The following GPC6 variants were observed in gnomAD, a reference collection of about 807,000 sequenced individuals.
GPC6 encodes the protein glypican-6.
GPC6 carries 14 observed loss-of-function variants against 55.2 expected under a neutral mutation model. That is an observed-to-expected ratio of 0.25 (90% CI 0.17 to 0.40). The LOEUF is 0.40. Ranked by LOEUF, GPC6 falls within the 10% of genes least tolerant of loss-of-function variation. The pLI is 1.00. For missense variants in GPC6, 641 were observed against 708.5 expected (o/e 0.90, Z 1.08); for synonymous variants, 278 against 259.6 (o/e 1.07, Z -0.68).
intron 2 of GPC6, among the ~76,000 whole-genome samples, chr13:93,714,896 C>T (rs992551330): frequency 6.6e-6 from 1 of 151,656 alleles, no homozygotes; most frequent in African/African-American, 2.4e-5. Flanking sequence ...AGTCCCTTTT[C>T]TTTATCATGT....
chr13:93,386,499 C>T (rs1299620797), intron 1 of GPC6, among the ~76,000 whole-genome samples: 2 of 152,076 alleles, frequency 1.3e-5, no homozygotes, highest in African/African-American at 4.8e-5. Flanking sequence ...TAGTAACTTG[C>T]AGGAAACATT....
At chr13:93,429,894 A>G (rs988842789) in intron 1 of GPC6, among the ~76,000 whole-genome samples, 2 of 152,098 alleles carry the variant, frequency 1.3e-5, no homozygotes, top group Non-Finnish European at 2.9e-5. Context: ...CAGGTTACCT[A>G]TGGAAACAGT....
chr13:93,854,936 C>G (rs558144790), intron 3 of GPC6, among the ~76,000 whole-genome samples: 60 of 151,530 alleles, frequency 4.0e-4, no homozygotes, highest in African/African-American at 1.4e-3. Context: ...ATAACCTTTC[C>G]CCTCCTGCCC....
intron 1 of GPC6, among the ~76,000 whole-genome samples, chr13:93,273,439 A>T (rs1175149898): frequency 6.6e-6 from 1 of 152,168 alleles, no homozygotes; most frequent in Non-Finnish European, 1.5e-5. Flanking sequence ...TGGGCGGATC[A>T]CAAGGTCAGG....
chr13:94,398,497 A>G lies in GPC6; in HGVS notation c.1321A>G (p.Thr441Ala). Residue 441 changes from threonine to alanine, a missense_variant, in exon 8 of 9, where the codon ACC becomes GCC. By Grantham distance (58) the Thr-to-Ala change is moderately conservative. Coordinates refer to ENST00000377047, the MANE Select transcript of GPC6 (RefSeq NM_005708.5). ...GCCTGAGATCATGAATGATGGGCTC[A>G]CCAACCAGATCAACAATCCCGAGGT... Reference protein sequence around the residue: ...YLPEIMNDGLTNQINNPEVDV... With the variant: ...YLPEIMNDGLANQINNPEVDV... 2 of 1,613,798 alleles carry G rather than the reference A, an allele frequency of 1.2e-6. No homozygotes were observed. Among genetic ancestry groups the G allele is most frequent in the Non-Finnish European group, 1.7e-6 (2 of 1,179,714 alleles).
chr13:94,331,827 ATTT>A (rs1877436309), intron 6 of GPC6, among the ~76,000 whole-genome samples: 1 of 152,194 alleles, frequency 6.6e-6, no homozygotes, highest in South Asian at 2.1e-4. Flanking sequence ...CAAGCAAGAG[ATTT>A]CTTCCTCAGG....
At chr13:93,950,600 C>T (rs1051518354) in intron 3 of GPC6, among the ~76,000 whole-genome samples, 12 of 152,082 alleles carry the variant, frequency 7.9e-5, no homozygotes, top group Admixed American at 1.3e-4. Context: ...CCGTCTGATC[C>T]CTTGTCTCCC....
chr13:94,333,680 G>A (rs918315168), intron 6 of GPC6, among the ~76,000 whole-genome samples: 2 of 152,200 alleles, frequency 1.3e-5, no homozygotes, highest in Admixed American at 1.3e-4. Flanking sequence ...TGCTAGTCAG[G>A]AAACTGAGGT....
intron 2 of GPC6, among the ~76,000 whole-genome samples, chr13:93,701,085 T>G (rs938288058): frequency 1.3e-5 from 2 of 152,084 alleles, no homozygotes; most frequent in African/African-American, 4.8e-5. Context: ...TCACAAAGAA[T>G]AAGCAATGAT....
chr13:94,236,854 T>TC, intron 4 of GPC6, among the ~76,000 whole-genome samples: 1 of 150,950 alleles, frequency 6.6e-6, no homozygotes, highest in Admixed American at 6.6e-5. Context: ...ATCCTTGCTT[T>TC]CCCCCAGGGA....
At chr13:94,297,263 T>TA (rs2139100128) in intron 5 of GPC6, among the ~76,000 whole-genome samples, 1 of 152,260 alleles carries the variant, frequency 6.6e-6, no homozygotes, top group African/African-American at 2.4e-5. Flanking sequence ...CCCCAGCACT[T>TA]ATGTTTGTGA....
intron 2 of GPC6, among the ~76,000 whole-genome samples, chr13:93,627,956 A>G (rs1417741145): frequency 6.6e-6 from 1 of 152,188 alleles, no homozygotes; most frequent in Non-Finnish European, 1.5e-5. Context: ...TAAGAGTTCA[A>G]AATTCTAGGG....
At chr13:93,856,899 T>C (rs1467972072) in intron 3 of GPC6, among the ~76,000 whole-genome samples, 1 of 151,616 alleles carries the variant, frequency 6.6e-6, no homozygotes, top group Non-Finnish European at 1.5e-5. Context: ...AAGCCAAATT[T>C]CTTGTGGATT....
chr13:93,897,734 C>A lies in GPC6; in HGVS notation c.711+67189C>A, dbSNP rs145024220. On this transcript the variant is annotated intron_variant, in intron 3 of 8. Transcript: ENST00000377047. ...TGAGACACTAGTCTTCTGTCCCCCC[C>A]ATCTGTTAAAAATCACCCACCAGGA... Among the ~76,000 whole-genome samples the A allele has an allele frequency of 1.7e-3, 257 of 152,198 alleles. 2 individuals carry two copies. The highest frequency in any genetic ancestry group is 5.6e-3 in the African/African-American group (233 of 41,550).
chr13:94,208,345 C>T (rs1566544638), intron 4 of GPC6, among the ~76,000 whole-genome samples: 1 of 152,028 alleles, frequency 6.6e-6, no homozygotes, highest in Non-Finnish European at 1.5e-5. Flanking sequence ...CTAAATAAGA[C>T]AAAGCATATA....
intron 2 of GPC6, among the ~76,000 whole-genome samples, chr13:93,741,316 T>C (rs964429439): frequency 2.6e-5 from 4 of 151,784 alleles, no homozygotes; most frequent in Non-Finnish European, 4.4e-5. Context: ...GGGGTTTCAC[T>C]GTGTTAGCCA....
chr13:93,763,536 T>C (rs951619634), intron 2 of GPC6, among the ~76,000 whole-genome samples: 1 of 152,188 alleles, frequency 6.6e-6, no homozygotes, highest in African/African-American at 2.4e-5. Flanking sequence ...TCAGGCATCA[T>C]TCAAGGAGTT....
intron 3 of GPC6, among the ~76,000 whole-genome samples, chr13:94,009,882 C>T (rs985654911): frequency 1.3e-5 from 2 of 152,112 alleles, no homozygotes; most frequent in African/African-American, 4.8e-5. Flanking sequence ...GGACATATTA[C>T]TCAACTATTC....
chr13:93,357,839 A>G (rs2139173120), intron 1 of GPC6, among the ~76,000 whole-genome samples: 1 of 152,286 alleles, frequency 6.6e-6, no homozygotes, highest in Non-Finnish European at 1.5e-5. Flanking sequence ...AAAAATGTAA[A>G]TAATTGTATA....
Sources: gnomAD v4.1 joint callset for allele counts (sites outside exome capture counted in the v4.1 genomes callset) on GRCh38, gnomAD v4.1.1 for gene constraint, MANE v1.5 for transcripts, NCBI Gene and HGNC (gene_info 2026-07-23, HGNC 2026-07-21) for gene names.